Variants in OPCML observed in about 807,000 individuals in gnomAD.
The protein encoded by OPCML is opioid-binding protein/cell adhesion molecule.
Under a neutral mutation model 37.8 loss-of-function variants are expected in OPCML, and 13 were observed. The ratio of observed to expected loss-of-function variants is 0.34; its 90% CI spans 0.22 to 0.55. The LOEUF (loss-of-function observed/expected upper bound fraction) is 0.55, where lower values mean the gene tolerates loss of function less well. OPCML is among the 20% of genes least tolerant of loss of function. The pLI, the probability that OPCML is intolerant of heterozygous loss-of-function variation, is 0.91. For synonymous variants in OPCML, 176 were observed against 168.8 expected (o/e 1.04, Z -0.33); for missense variants, 341 against 435.6 (o/e 0.78, Z 1.93).
At chr11:132,638,984 G>A (rs1010599951) in intron 3 of OPCML, among the ~76,000 whole-genome samples, 1 of 152,134 alleles carries the variant, frequency 6.6e-6, no homozygotes, top group Non-Finnish European at 1.5e-5. Flanking sequence ...AATTTGTTGG[G>A]TGACTACAGA....
rs890294139 is a variant in OPCML, at chr11:132,943,189, G to T, written c.62-179C>A. 6 of 1,571,080 alleles carry T rather than the reference G, an allele frequency of 3.8e-6. No individual in the cohort carries two copies. The African/African-American group carries it at 8.1e-5, about 21-fold the overall frequency. On this transcript the variant is annotated intron_variant, in intron 1 of 7. Coordinates refer to ENST00000524381, the MANE Select transcript of OPCML (RefSeq NM_001012393.5). The surrounding 1 kb of genome is among the most constrained non-coding windows in gnomAD (Gnocchi z 4.3). ...GCTCGGGAAGCGGTGCGGGGAGGAGGGAAGGGGCAGAGTTCGCCAGGAGCA... is the reference window on the plus strand; with the variant it reads ...GCTCGGGAAGCGGTGCGGGGAGGAGTGAAGGGGCAGAGTTCGCCAGGAGCA...
Position 133,043,857 on chromosome 11 carries a change from G to A in OPCML, c.62-100847C>T, listed in dbSNP as rs1240377454. Among the ~76,000 whole-genome samples the A allele has an allele frequency of 3.9e-5, 6 of 152,326 alleles. No homozygotes were observed. The East Asian group carries it at 1.2e-3, about 29-fold the overall frequency. ...TTCAACAAAAGGAGTATATCCAAGA[G>A]GGAATTCATCTGTTGACACCTTTAT... is the stretch of plus-strand genomic sequence containing the variant. On this transcript the variant is annotated intron_variant, in intron 1 of 7. Transcript: ENST00000524381.
intron 1 of OPCML, among the ~76,000 whole-genome samples, chr11:133,032,965 A>G (rs1055639242): frequency 1.3e-5 from 2 of 152,170 alleles, no homozygotes; most frequent in Non-Finnish European, 2.9e-5. Flanking sequence ...ATAAATATAT[A>G]TAATTACTCT....
intron 7 of OPCML, among the ~76,000 whole-genome samples, chr11:132,424,295 A>T (rs1296993591): frequency 6.6e-6 from 1 of 151,820 alleles, no homozygotes; most frequent in African/African-American, 2.4e-5. Flanking sequence ...AATTTTTTGT[A>T]TTTTTAGTAG....
chr11:132,904,714 AGAG>A (rs1944176067), intron 2 of OPCML, among the ~76,000 whole-genome samples: 1 of 152,220 alleles, frequency 6.6e-6, no homozygotes, highest in Admixed American at 6.5e-5. Context: ...CGTGCACTTA[AGAG>A]GAGACACCCA....
intron 1 of OPCML, among the ~76,000 whole-genome samples, chr11:133,243,823 A>T (rs1032938045): frequency 1.3e-5 from 2 of 152,248 alleles, no homozygotes; most frequent in African/African-American, 4.8e-5. Context: ...CGGAAAAGCA[A>T]CTGCTGCAAG....
At chr11:133,421,588 G>A in intron 1 of OPCML, 1 of 985,354 alleles carries the variant, frequency 1.0e-6, no homozygotes, top group Non-Finnish European at 1.2e-6. Context: ...TTGAAAACTG[G>A]GAGTTTCAAC....
intron 4 of OPCML, among the ~76,000 whole-genome samples, chr11:132,501,429 C>T (rs552307163): frequency 6.6e-6 from 1 of 152,176 alleles, no homozygotes; most frequent in Non-Finnish European, 1.5e-5. Flanking sequence ...GGTGCCATAG[C>T]GCTGGGGCCT....
At position 133,499,787 on chromosome 11, in the gene OPCML, TACACA is replaced by T. The variant is rs1565669659; in HGVS notation, c.61+32472_61+32476del. On this transcript the variant is annotated intron_variant, in intron 1 of 7. Coordinates refer to ENST00000524381, the MANE Select transcript of OPCML (RefSeq NM_001012393.5). ...AGAAAAATAAATATATATATATATA[TACACA>T]TATATATATGTGTGTGTATATATAT... is the stretch of plus-strand genomic sequence containing the variant. 2.2e-3 allele frequency among the ~76,000 whole-genome samples: 318 copies of T among 141,466 alleles called. 1 individual carries two copies. Among genetic ancestry groups the T allele is most frequent in the African/African-American group, 8.4e-3 (309 of 36,810 alleles). The allele number at this position is 141,466 out of a possible 152,430, so 92.8% of individuals were successfully genotyped here.
In OPCML at chr11:132,500,898, G is replaced by A. The variant is rs190021405; in HGVS notation, c.505+28163C>T. Among the ~76,000 whole-genome samples, 44 of 152,214 alleles carry A rather than the reference G, an allele frequency of 2.9e-4. 1 individual carries two copies. The East Asian group carries it at 8.1e-3, about 28-fold the overall frequency. ...AGGACATGAACTTATTCTTTTTTAT[G>A]GCTGCATAGTATTCCGTGGTGTATA... is the stretch of plus-strand genomic sequence containing the variant. On this transcript the variant is annotated intron_variant, in intron 4 of 7. Coordinates refer to ENST00000524381, the MANE Select transcript of OPCML (RefSeq NM_001012393.5).
rs1223741381 is a variant in OPCML, at chr11:133,174,035, G to A, written c.62-231025C>T. Among the ~76,000 whole-genome samples, 1 of 152,226 alleles carries A rather than the reference G, an allele frequency of 6.6e-6. No individual in the cohort carries two copies. Among genetic ancestry groups the A allele is most frequent in the Non-Finnish European group, 1.5e-5 (1 of 68,044 alleles). ...ATGAGCATGGAGAAACGGCCTGGCA[G>A]GCCCTGCACTGCGGCCATAAATCAG... is the stretch of plus-strand genomic sequence containing the variant. On this transcript the variant is annotated intron_variant, in intron 1 of 7. Coordinates refer to ENST00000524381, the MANE Select transcript of OPCML (RefSeq NM_001012393.5). This position sits in a 1 kb window ranked among gnomAD's most constrained non-coding sequence, Gnocchi z 4.6.
At chr11:132,824,429 G>T (rs898022771) in intron 2 of OPCML, among the ~76,000 whole-genome samples, 3 of 152,064 alleles carry the variant, frequency 2.0e-5, no homozygotes, top group Admixed American at 2.0e-4. Context: ...CTCAGTTCTC[G>T]CTTGGACACT....
At position 133,107,241 on chromosome 11, in the gene OPCML, A is replaced by G. The variant is rs146377417; in HGVS notation, c.62-164231T>C. Reference sequence around the variant, plus strand: ...TCTGAGGTATAGAAGTAGATTATTAACTGGAACTTATAAGGACTGAAGACT... The same window carrying G: ...TCTGAGGTATAGAAGTAGATTATTAGCTGGAACTTATAAGGACTGAAGACT... On this transcript the variant is annotated intron_variant, in intron 1 of 7. Transcript: ENST00000524381. 3.0e-3 allele frequency among the ~76,000 whole-genome samples: 462 copies of G among 152,288 alleles called. 1 individual carries two copies. The highest frequency in any genetic ancestry group is 4.8e-3 in the South Asian group (23 of 4,822).
chr11:132,755,261 C>T (rs955438732), intron 2 of OPCML, among the ~76,000 whole-genome samples: 14 of 151,974 alleles, frequency 9.2e-5, no homozygotes, highest in African/African-American at 2.9e-4. Context: ...TTAATTACAC[C>T]CACTATGGCA....
At chr11:133,336,547 T>C (rs1316352688) in intron 1 of OPCML, among the ~76,000 whole-genome samples, 2 of 152,180 alleles carry the variant, frequency 1.3e-5, no homozygotes, top group East Asian at 1.9e-4. Context: ...TTTTATAGGA[T>C]TGAGAAATTT....
intron 4 of OPCML, among the ~76,000 whole-genome samples, chr11:132,453,338 C>G (rs557257329): frequency 3.9e-5 from 6 of 152,296 alleles, no homozygotes; most frequent in South Asian, 2.1e-4. Flanking sequence ...AGCACCAAAG[C>G]TGAGAAACCT....
chr11:133,136,828 CGTGTGT>C (rs141952561), intron 1 of OPCML, among the ~76,000 whole-genome samples: 7,855 of 126,276 alleles, frequency 0.062, 254 homozygotes, highest in African/African-American at 0.086. Flanking sequence ...TCTATGTGCA[CGTGTGT>C]GTGTGTGTGT....
chr11:132,528,245 T>C (rs559318830), intron 4 of OPCML, among the ~76,000 whole-genome samples: 1 of 148,808 alleles, frequency 6.7e-6, no homozygotes, highest in African/African-American at 2.6e-5. Flanking sequence ...TAGATCAATA[T>C]TATTTTTGAA....
chr11:132,436,263 A>G, intron 6 of OPCML, 26 bp from the exon 7 acceptor site: 2 of 1,614,038 alleles, frequency 1.2e-6, no homozygotes, highest in Non-Finnish European at 1.7e-6. Flanking sequence ...CATTGCTATC[A>G]ATTCATTCTA....
Sources: allele counts gnomAD v4.1 joint callset (sites outside exome capture counted in the v4.1 genomes callset), GRCh38; gene constraint gnomAD v4.1.1; non-coding constraint Gnocchi (gnomAD v3.1); transcripts MANE v1.5; gene names NCBI Gene and HGNC (gene_info 2026-07-23, HGNC 2026-07-21).